The following SPMIP7 variants were observed in gnomAD, a reference collection of about 807,000 sequenced individuals.
SPMIP7 encodes the protein sperm microtubule inner protein 7.
chr7:50,096,923 A>T, the SPMIP7 span, among the ~76,000 whole-genome samples: 1 of 152,168 alleles, frequency 6.6e-6, no homozygotes, highest in Non-Finnish European at 1.5e-5. Flanking sequence ...ACCACAGGGG[A>T]ATTTATGTAT....
the SPMIP7 span, among the ~76,000 whole-genome samples, chr7:50,105,538 C>A: frequency 6.6e-6 from 1 of 152,186 alleles, no homozygotes; most frequent in African/African-American, 2.4e-5. Context: ...GGGCATACCT[C>A]TCACATATTA....
chr7:50,132,933 T>C, the SPMIP7 span, among the ~76,000 whole-genome samples: 1 of 152,168 alleles, frequency 6.6e-6, no homozygotes, highest in African/African-American at 2.4e-5. Context: ...TGAACAAATA[T>C]ATGTGGAGGA....
the SPMIP7 span, among the ~76,000 whole-genome samples, chr7:50,147,978 C>T: frequency 6.6e-6 from 1 of 152,174 alleles, no homozygotes; most frequent in Non-Finnish European, 1.5e-5. Context: ...CCTGGAAATC[C>T]ATTTCCCGGC....
At chr7:50,133,816 C>G in the SPMIP7 span, among the ~76,000 whole-genome samples, 417 of 152,216 alleles carry the variant, frequency 2.7e-3, 1 homozygote, top group African/African-American at 9.3e-3. Flanking sequence ...TAGGTTGGGC[C>G]TATTCAGGAA....
At chr7:50,139,428 T>C in the SPMIP7 span, among the ~76,000 whole-genome samples, 1 of 152,208 alleles carries the variant, frequency 6.6e-6, no homozygotes, top group African/African-American at 2.4e-5. Flanking sequence ...TGAATACATT[T>C]TTTAAAATGT....
At chr7:50,107,104 G>A in the SPMIP7 span, among the ~76,000 whole-genome samples, 1 of 151,618 alleles carries the variant, frequency 6.6e-6, no homozygotes, top group Non-Finnish European at 1.5e-5. Flanking sequence ...AGGTGGGGTG[G>A]CACATGTCTG....
At chr7:50,115,526 T>A in the SPMIP7 span, among the ~76,000 whole-genome samples, 1 of 152,054 alleles carries the variant, frequency 6.6e-6, no homozygotes, top group Non-Finnish European at 1.5e-5. Flanking sequence ...ATCAAACACA[T>A]CAAATGAAAT....
chr7:50,148,509 A>C, the SPMIP7 span, among the ~76,000 whole-genome samples: 1 of 152,178 alleles, frequency 6.6e-6, no homozygotes, highest in Non-Finnish European at 1.5e-5. Flanking sequence ...GGTGTTTTCA[A>C]AGGCAGTGGA....
the SPMIP7 span, among the ~76,000 whole-genome samples, chr7:50,116,565 A>G: frequency 6.6e-6 from 1 of 152,228 alleles, no homozygotes; most frequent in Non-Finnish European, 1.5e-5. Context: ...TCCTATGGCA[A>G]AACTAGTAAA....
chr7:50,100,224 G>A, the SPMIP7 span, among the ~76,000 whole-genome samples: 1 of 152,198 alleles, frequency 6.6e-6, no homozygotes, highest in Admixed American at 6.5e-5. Flanking sequence ...ACTGAGGGGA[G>A]AACAACCTGA....
At chr7:50,119,286 C>A in the SPMIP7 span, among the ~76,000 whole-genome samples, 1 of 152,180 alleles carries the variant, frequency 6.6e-6, no homozygotes, top group Non-Finnish European at 1.5e-5. Context: ...TGAAGGTAAA[C>A]CTGACCAGGA....
chr7:50,132,924 G>A, the SPMIP7 span, among the ~76,000 whole-genome samples: 25 of 152,192 alleles, frequency 1.6e-4, no homozygotes, highest in African/African-American at 5.5e-4. Flanking sequence ...AGTTATCTCT[G>A]AACAAATATA....
chr7:50,121,648 CT>C, the SPMIP7 span, among the ~76,000 whole-genome samples: 11 of 149,884 alleles, frequency 7.3e-5, no homozygotes, highest in East Asian at 7.8e-4. Flanking sequence ...ATTAAAGGTT[CT>C]TTTTTTTTTC....
At chr7:50,111,318 A>G in the SPMIP7 span, among the ~76,000 whole-genome samples, 1 of 152,036 alleles carries the variant, frequency 6.6e-6, no homozygotes, top group Admixed American at 6.6e-5. Flanking sequence ...AGTGAAATGC[A>G]GGTTTTGTAG....
the SPMIP7 span, among the ~76,000 whole-genome samples, chr7:50,123,341 C>G: frequency 1.5e-5 from 2 of 137,648 alleles, no homozygotes; most frequent in Non-Finnish European, 3.1e-5. Flanking sequence ...ACCGCATATT[C>G]TCACTCATAG....
chr7:50,155,884 A>G, the SPMIP7 span, among the ~76,000 whole-genome samples: 3 of 152,380 alleles, frequency 2.0e-5, no homozygotes, highest in Non-Finnish European at 4.4e-5. Flanking sequence ...CCTGAGTGGG[A>G]CCCATCGCCC....
the SPMIP7 span, among the ~76,000 whole-genome samples, chr7:50,140,833 C>G: frequency 6.6e-6 from 1 of 152,204 alleles, no homozygotes; most frequent in African/African-American, 2.4e-5. Context: ...ATTAACTCAG[C>G]CTCTCAACTT....
the SPMIP7 span, among the ~76,000 whole-genome samples, chr7:50,107,204 A>T: frequency 6.6e-6 from 1 of 151,908 alleles, no homozygotes; most frequent in Non-Finnish European, 1.5e-5. Flanking sequence ...AAAAATACAA[A>T]AGTTATCCAG....
chr7:50,115,805 C>G, the SPMIP7 span, among the ~76,000 whole-genome samples: 241 of 152,110 alleles, frequency 1.6e-3, no homozygotes, highest in African/African-American at 5.6e-3. Context: ...AAAAAATTGA[C>G]AAAAAGGATT....
Sources: gnomAD v4.1 joint callset for allele counts (sites outside exome capture counted in the v4.1 genomes callset) on GRCh38, gnomAD v4.1.1 for gene constraint, MANE v1.5 for transcripts, NCBI Gene and HGNC (gene_info 2026-07-23, HGNC 2026-07-21) for gene names.